The following SLC9A2 variants were observed in gnomAD, a reference collection of about 807,000 sequenced individuals.
SLC9A2 encodes the protein sodium/hydrogen exchanger 2.
A neutral mutation model predicts 71.7 loss-of-function variants in SLC9A2; 42 were observed. The ratio of observed to expected loss-of-function variants is 0.59; its 90% CI spans 0.46 to 0.76. The LOEUF (loss-of-function observed/expected upper bound fraction) is 0.76, where lower values mean the gene tolerates loss of function less well. SLC9A2 is among the 30% of genes least tolerant of loss of function. The pLI is 0.00. For synonymous variants in SLC9A2, 396 were observed against 392.5 expected, an observed-to-expected ratio of 1.01 and a Z score of -0.10; for missense variants, 829 against 1,017.4, an observed-to-expected ratio of 0.81 and a Z score of 2.52.
At chr2:102,639,831 A>T (rs1023451375) in intron 1 of SLC9A2, among the ~76,000 whole-genome samples, 10 of 152,138 alleles carry the variant, frequency 6.6e-5, no homozygotes, top group African/African-American at 2.2e-4. Flanking sequence ...GGCAAAAGTG[A>T]ACATTTTAAG....
Position 102,701,208 on chromosome 2 carries a change from T to C in SLC9A2, c.1725T>C (p.Thr575=), listed in dbSNP as rs368150467. 2 of 1,604,178 alleles carry C rather than the reference T, an allele frequency of 1.2e-6. No individual in the cohort carries two copies. Among genetic ancestry groups the C allele is most frequent in the South Asian group, 1.1e-5 (1 of 88,450 alleles). ...IEMAETGMIS[T]VPTFASLNDC... ...TGGCAGAGACTGGGATGATAAGTAC[T>C]GTCCCTACATTTGCATCTCTAAAGT... The change falls in exon 8 of 12, where the codon ACT becomes ACC. Residue 575 remains threonine, a synonymous_variant. Coordinates refer to ENST00000233969, the MANE Select transcript of SLC9A2 (RefSeq NM_003048.6).
intron 1 of SLC9A2, among the ~76,000 whole-genome samples, 170 bp downstream of exon 1, chr2:102,620,307 A>G (rs1676110130): frequency 6.6e-6 from 1 of 152,180 alleles, no homozygotes; most frequent in African/African-American, 2.4e-5. Flanking sequence ...TTGGAAGAGC[A>G]GTTTCGCGTT....
chr2:102,679,242 G>C (rs1011332725), intron 3 of SLC9A2, among the ~76,000 whole-genome samples: 35 of 152,280 alleles, frequency 2.3e-4, no homozygotes, highest in Admixed American at 7.2e-4. Context: ...AAACTTCACT[G>C]AGTTACAGCA....
At chr2:102,621,352 GAAAAAAA>G (rs768118079) in intron 1 of SLC9A2, among the ~76,000 whole-genome samples, 11 of 109,538 alleles carry the variant, frequency 1.0e-4, no homozygotes, top group African/African-American at 1.7e-4. Context: ...TTGTCTCAGG[GAAAAAAA>G]AAAAAAAAAA....
chr2:102,646,768 A>ATATATATATATATATAT (rs1676731084), intron 1 of SLC9A2, among the ~76,000 whole-genome samples: 17 of 132,980 alleles, frequency 1.3e-4, no homozygotes, highest in African/African-American at 3.7e-4. Flanking sequence ...AACGATCCTA[A>ATATATATATATATATAT]ATATATATAT....
intron 3 of SLC9A2, among the ~76,000 whole-genome samples, chr2:102,674,147 C>T (rs2104532655): frequency 6.6e-6 from 1 of 152,162 alleles, no homozygotes; most frequent in East Asian, 1.9e-4. Context: ...GTACACTTAC[C>T]ACCCAGCTAG....
chr2:102,649,161 A>G (rs1289644390), intron 1 of SLC9A2, among the ~76,000 whole-genome samples: 1 of 152,362 alleles, frequency 6.6e-6, no homozygotes, highest in East Asian at 1.9e-4. Flanking sequence ...GGCCTCAGAA[A>G]TAACACCACA....
chr2:102,678,345 G>C (rs1268717348), intron 3 of SLC9A2, among the ~76,000 whole-genome samples: 2 of 150,072 alleles, frequency 1.3e-5, no homozygotes, highest in African/African-American at 4.9e-5. Context: ...AAAAAACAGA[G>C]AGAGAGAGAC....
chr2:102,676,598 C>T (rs1677349930), intron 3 of SLC9A2, among the ~76,000 whole-genome samples: 2 of 152,124 alleles, frequency 1.3e-5, no homozygotes, highest in Admixed American at 1.3e-4. Flanking sequence ...TGCTTGGATC[C>T]TGTTTTAAAA....
At chr2:102,626,067 G>A (rs1428826995) in intron 1 of SLC9A2, among the ~76,000 whole-genome samples, 4 of 151,968 alleles carry the variant, frequency 2.6e-5, no homozygotes, top group Middle Eastern at 3.4e-3. Flanking sequence ...TTCTCTGATG[G>A]CTACTTTAAA....
intron 2 of SLC9A2, among the ~76,000 whole-genome samples, chr2:102,658,336 T>C (rs1013801651): frequency 6.6e-6 from 1 of 152,106 alleles, no homozygotes; most frequent in African/African-American, 2.4e-5. Flanking sequence ...CAGAGGAACA[T>C]ATGATTTTGG....
chr2:102,671,887 C>T (rs911575399), intron 3 of SLC9A2, among the ~76,000 whole-genome samples: 12 of 152,116 alleles, frequency 7.9e-5, no homozygotes, highest in Middle Eastern at 3.2e-3. Flanking sequence ...AGGTGGATAA[C>T]TTGAGGTCAG....
intron 1 of SLC9A2, 91 bp downstream of exon 1, chr2:102,620,228 G>GA: frequency 9.0e-7 from 1 of 1,106,132 alleles, no homozygotes; most frequent in Admixed American, 2.6e-5. Context: ...CCTCTAGATA[G>GA]TGACCGCCTC....
At chr2:102,642,406 T>C (rs533130976) in intron 1 of SLC9A2, among the ~76,000 whole-genome samples, 56 of 151,174 alleles carry the variant, frequency 3.7e-4, no homozygotes, top group African/African-American at 1.3e-3. Context: ...TCACATACTT[T>C]TTCTGCATCA....
Position 102,684,155 on chromosome 2 carries a change from T to C in SLC9A2, c.1244T>C (p.Val415Ala). ...RALGVFVLTQ[V>A]INRFRTIPLT... ...GCAGGTGTTTTTGTCCTGACTCAGG[T>C]CATTAATAGGTTCCGGACCATTCCC... The change falls in exon 5 of 12, where the codon GTC becomes GCC. Residue 415 changes from valine to alanine, a missense_variant. This residue lies in a region of SLC9A2 where 500 missense variants were observed against 726.3 expected (regional missense o/e 0.69). Coordinates refer to ENST00000233969, the MANE Select transcript of SLC9A2 (RefSeq NM_003048.6). 6.2e-7 allele frequency: 1 copy of C among 1,614,112 alleles called. No homozygotes were observed. The highest frequency in any genetic ancestry group is 1.1e-5 in the South Asian group (1 of 91,080).
In SLC9A2 at chr2:102,706,049, G is replaced by GGCCTGT. The variant is rs1479220960; in HGVS notation, c.2068+113_2068+114insGCCTGT. On this transcript the variant is annotated intron_variant, in intron 11 of 11. Transcript: ENST00000233969. ...TAAGAATGAGTTCCGGCCGGGCGCG[G>GGCCTGT]TGGCTCACGCCTGTAATCCCAGCAC... is the stretch of plus-strand genomic sequence containing the variant. 188 of 31,330 alleles carry GGCCTGT rather than the reference G, an allele frequency of 6.0e-3. 5 individuals carry two copies. The highest frequency in any genetic ancestry group is 6.7e-3 in the East Asian group (8 of 1,200). 1.9% of individuals were successfully genotyped at this position (31,330 alleles called of 1,614,324 possible).
intron 10 of SLC9A2, among the ~76,000 whole-genome samples, chr2:102,704,927 G>T (rs1328884548): frequency 6.6e-6 from 1 of 152,146 alleles, no homozygotes; most frequent in Non-Finnish European, 1.5e-5. Context: ...GGTCGTGGTG[G>T]CTCATGCCTG....
rs977637298 is a variant in SLC9A2 at position 102,684,023 on chromosome 2, C to T, written c.1223-111C>T. On this transcript the variant is annotated intron_variant, in intron 4 of 11. Coordinates refer to ENST00000233969, the MANE Select transcript of SLC9A2 (RefSeq NM_003048.6). ...GAGAAAAAGGGGAAAGACTTTGGGG[C>T]CTATTCTTAAATCCTTTGTCCCCAT... is the stretch of plus-strand genomic sequence containing the variant. The T allele has an allele frequency of 2.0e-4, 147 of 737,420 alleles. 6 individuals carry two copies. The South Asian group carries it at 2.6e-3, about 13-fold the overall frequency. 45.7% of individuals were successfully genotyped at this position (737,420 alleles called of 1,614,324 possible).
chr2:102,651,727 T>G (rs1283381277), intron 1 of SLC9A2, among the ~76,000 whole-genome samples: 1 of 152,230 alleles, frequency 6.6e-6, no homozygotes, highest in African/African-American at 2.4e-5. Flanking sequence ...AGCTCTCCAG[T>G]GCAGAGGTTT....
Sources: allele counts gnomAD v4.1 joint callset (sites outside exome capture counted in the v4.1 genomes callset), GRCh38; gene constraint gnomAD v4.1.1; regional missense constraint gnomAD v4.1.1; transcripts MANE v1.5; gene names NCBI Gene and HGNC (gene_info 2026-07-23, HGNC 2026-07-21).